Variants in TRPM1 observed in about 807,000 individuals in gnomAD.
The protein encoded by TRPM1 is TRPM1-203 APA Isoform, Intron 10.
Under a neutral mutation model 149.4 loss-of-function variants are expected in TRPM1, and 113 were observed. The observed-to-expected ratio is 0.76, with a 90% CI of 0.65 to 0.88. The LOEUF (loss-of-function observed/expected upper bound fraction) is 0.88, where lower values mean the gene tolerates loss of function less well. Among genes scored for constraint, TRPM1 ranks in the 40% least tolerant of loss-of-function variants. TRPM1 has a pLI of 0.00. For missense variants in TRPM1, 1,976 were observed against 2,038.7 expected, an observed-to-expected ratio of 0.97 and a Z score of 0.59; for synonymous variants, 741 against 759.5, an observed-to-expected ratio of 0.98 and a Z score of 0.40.
intron 3 of TRPM1, among the ~76,000 whole-genome samples, chr15:31,076,055 G>T (rs1269893827): frequency 1.3e-5 from 2 of 152,070 alleles, no homozygotes; most frequent in African/African-American, 4.8e-5. Flanking sequence ...GAAATAAGAA[G>T]GGACATGTAG....
chr15:31,069,763 C>A, intron 4 of TRPM1: 22 of 1,444,786 alleles, frequency 1.5e-5, no homozygotes, highest in Non-Finnish European at 1.9e-5. Context: ...AGTGTGTTTG[C>A]AGGGTTGGGC....
intron 1 of TRPM1, among the ~76,000 whole-genome samples, chr15:31,089,230 C>T (rs370477875): frequency 6.6e-6 from 1 of 152,144 alleles, no homozygotes. Flanking sequence ...GACCATGTGG[C>T]CAGCGTGTCC....
chr15:31,029,268 G>T, intron 24 of TRPM1, 103 bp downstream of exon 24: 1 of 1,234,604 alleles, frequency 8.1e-7, no homozygotes, highest in Non-Finnish European at 1.2e-6. Flanking sequence ...AAAAACAAGA[G>T]AAGTATTTGA....
intron 3 of TRPM1, among the ~76,000 whole-genome samples, chr15:31,071,345 T>G (rs2034532303): frequency 1.3e-5 from 2 of 152,076 alleles, no homozygotes; most frequent in African/African-American, 4.8e-5. Context: ...GTGGGAGAGC[T>G]GGGGATGGAG....
intron 1 of TRPM1, among the ~76,000 whole-genome samples, chr15:31,109,659 C>T: frequency 6.7e-6 from 1 of 150,240 alleles, no homozygotes; most frequent in Non-Finnish European, 1.5e-5. Context: ...AAGATCATGC[C>T]ACTGCACTCC....
intron 27 of TRPM1, among the ~76,000 whole-genome samples, chr15:31,024,091 A>G (rs1428602253): frequency 6.6e-6 from 1 of 152,194 alleles, no homozygotes; most frequent in African/African-American, 2.4e-5. Flanking sequence ...TACCAAGACA[A>G]CAGGGAGACA....
chr15:31,016,620 A>T (rs2032361666), intron 27 of TRPM1, among the ~76,000 whole-genome samples: 1 of 152,208 alleles, frequency 6.6e-6, no homozygotes, highest in African/African-American at 2.4e-5. Context: ...CAGGCCTAAG[A>T]GCAATTCCTG....
Position 31,035,587 on chromosome 15 carries a change from T to C in TRPM1, c.2659A>G (p.Ile887Val), listed in dbSNP as rs1170645897. 3 of 1,614,068 alleles carry C rather than the reference T, an allele frequency of 1.9e-6. No homozygotes were observed. Among genetic ancestry groups the C allele is most frequent in the African/African-American group, 1.3e-5 (1 of 74,918 alleles). The part of the protein sequence containing the change: ...GWPSLQEWIV[I>V]SYIVSLALEK... ...AACGCCAGGCTCACGATGTAGGAGATGACGATCCACTCCTGGAGGGACGGC... is the reference window on the plus strand; with the variant it reads ...AACGCCAGGCTCACGATGTAGGAGACGACGATCCACTCCTGGAGGGACGGC... The change falls in exon 21 of 28, where the codon ATC becomes GTC. Residue 887 changes from isoleucine to valine, a missense_variant. This residue lies in a region of TRPM1 where 1,332 missense variants were observed against 1,347.1 expected (regional missense o/e 0.99). Transcript: ENST00000256552.
At chr15:31,013,389 T>C (rs566664840) in intron 27 of TRPM1, among the ~76,000 whole-genome samples, 1 of 152,236 alleles carries the variant, frequency 6.6e-6, no homozygotes, top group South Asian at 2.1e-4. Context: ...TTTCCACCTC[T>C]TTATTGATAG....
At chr15:31,128,186 G>T (rs904560812) in intron 1 of TRPM1, among the ~76,000 whole-genome samples, 2 of 152,162 alleles carry the variant, frequency 1.3e-5, no homozygotes, top group African/African-American at 4.8e-5. Context: ...GTCTCTGGGG[G>T]CAACCAACCC....
chr15:31,023,950 C>T (rs1345763422), intron 27 of TRPM1, among the ~76,000 whole-genome samples: 1 of 152,052 alleles, frequency 6.6e-6, no homozygotes, highest in Admixed American at 6.5e-5. Flanking sequence ...TAGGAGAGAA[C>T]CATGAATTTG....
At chr15:31,144,734 A>G (rs1374543568) in intron 1 of TRPM1, among the ~76,000 whole-genome samples, 116 of 97,528 alleles carry the variant, frequency 1.2e-3, no homozygotes, top group African/African-American at 4.9e-3. Context: ...TTTTTTTTTG[A>G]GACATAGTTT....
At chr15:31,088,777 T>G (rs1190914164) in intron 1 of TRPM1, among the ~76,000 whole-genome samples, 1 of 140,590 alleles carries the variant, frequency 7.1e-6, no homozygotes, top group African/African-American at 2.6e-5. Flanking sequence ...AACCATGGTA[T>G]CAAACACCTG....
chr15:31,006,256 C>G (rs1043514916), intron 27 of TRPM1, among the ~76,000 whole-genome samples: 8 of 152,270 alleles, frequency 5.3e-5, no homozygotes, highest in African/African-American at 1.9e-4. Context: ...CCGCTCACTG[C>G]AACCTCTGTC....
chr15:31,097,282 C>T (rs73374092), intron 1 of TRPM1, among the ~76,000 whole-genome samples: 6,072 of 148,538 alleles, frequency 0.041, 467 homozygotes, highest in African/African-American at 0.14. Flanking sequence ...AATCACCACC[C>T]TTTGGGCCAT....
chr15:31,138,475 C>T (rs72714645), intron 1 of TRPM1, among the ~76,000 whole-genome samples: 18,318 of 152,148 alleles, frequency 0.12, 1,152 homozygotes, highest in South Asian at 0.15. Flanking sequence ...TAGGAATGAG[C>T]CCAGGAATAG....
At chr15:31,099,393 A>G (rs2035465500) in intron 1 of TRPM1, among the ~76,000 whole-genome samples, 1 of 152,036 alleles carries the variant, frequency 6.6e-6, no homozygotes, top group African/African-American at 2.4e-5. Flanking sequence ...ATTTACACAC[A>G]CACACCCAGA....
intron 2 of TRPM1, among the ~76,000 whole-genome samples, chr15:31,080,791 C>G (rs1252484774): frequency 1.3e-5 from 2 of 151,600 alleles, no homozygotes; most frequent in Admixed American, 1.3e-4. Flanking sequence ...CAGCCCCTCT[C>G]ACCGCCCTAG....
At chr15:31,007,652 G>GCAACAACAACAA (rs55739225) in intron 27 of TRPM1, among the ~76,000 whole-genome samples, 1 of 139,852 alleles carries the variant, frequency 7.2e-6, no homozygotes, top group East Asian at 2.0e-4. Context: ...CAGCAGCGCA[G>GCAACAACAACAA]CAACAACAAC....
Sources: allele counts gnomAD v4.1 joint callset (sites outside exome capture counted in the v4.1 genomes callset), GRCh38; gene constraint gnomAD v4.1.1; regional missense constraint gnomAD v4.1.1; transcripts MANE v1.5; gene names NCBI Gene and HGNC (gene_info 2026-07-23, HGNC 2026-07-21).